SERPINA3: variants seen among roughly 807,000 people sequenced by gnomAD.
SERPINA3 encodes the protein serpin family A member 3.
Under a neutral mutation model 26.8 loss-of-function variants are expected in SERPINA3, and 32 were observed. That is an observed-to-expected ratio of 1.20 (90% CI 0.90 to 1.61). The LOEUF is 1.61. Among genes scored for constraint, SERPINA3 ranks in the 40% most tolerant of loss-of-function variants. The pLI, the probability that SERPINA3 is intolerant of heterozygous loss-of-function variation, is 0.00. For missense variants in SERPINA3, 632 were observed against 517.9 expected, an observed-to-expected ratio of 1.22 and a Z score of -2.14; for synonymous variants, 252 against 206.4, an observed-to-expected ratio of 1.22 and a Z score of -1.89.
chr14:94,619,563 C>G, intron 3 of SERPINA3, 95 bp downstream of exon 3: 1 of 1,478,328 alleles, frequency 6.8e-7, no homozygotes. Context: ...AGAACTCATA[C>G]AGGGACAGGT....
intron 3 of SERPINA3, among the ~76,000 whole-genome samples, chr14:94,621,726 T>G (rs1299649631): frequency 6.6e-6 from 1 of 152,122 alleles, no homozygotes; most frequent in East Asian, 1.9e-4. Context: ...AATCAGACTC[T>G]TCAGAGGCCC....
At chr14:94,619,058 C>T in intron 2 of SERPINA3, 137 bp from the exon 3 acceptor site, 1 of 972,672 alleles carries the variant, frequency 1.0e-6, no homozygotes, top group Non-Finnish European at 1.6e-6. Context: ...AACTTTTACT[C>T]TTGCCAAGCT....
intron 2 of SERPINA3, chr14:94,618,226 C>T (rs1192387219): frequency 6.6e-6 from 1 of 152,152 alleles, no homozygotes; most frequent in Non-Finnish European, 1.5e-5. Flanking sequence ...GAGTTTTCCT[C>T]CCTCTGCCTC....
intron 1 of SERPINA3, chr14:94,613,680 G>A (rs1217286163): frequency 1.3e-5 from 2 of 152,296 alleles, no homozygotes; most frequent in Admixed American, 1.3e-4. Flanking sequence ...AGCCCTCTCT[G>A]CCTTCTCCCC....
intron 3 of SERPINA3, among the ~76,000 whole-genome samples, chr14:94,620,680 C>G (rs1029881995): frequency 6.6e-6 from 1 of 152,166 alleles, no homozygotes; most frequent in African/African-American, 2.4e-5. Context: ...GGCTGGGATC[C>G]AGGAGGGAGC....
Position 94,619,219 on chromosome 14 carries a change from C to A in SERPINA3, c.668C>A (p.Pro223His). 6.2e-7 allele frequency: 1 copy of A among 1,614,116 alleles called. No homozygotes were observed. Among genetic ancestry groups the A allele is most frequent in the South Asian group, 1.1e-5 (1 of 91,068 alleles). ...GCCAAATGGGAGATGCCCTTTGACC[C>A]CCAAGATACTCATCAGTCAAGGTTC... Reference protein sequence around the residue: ...FKAKWEMPFDPQDTHQSRFYL... With the variant: ...FKAKWEMPFDHQDTHQSRFYL... Residue 223 changes from proline (P) to histidine (H), a missense_variant, in exon 3 of 5, where the codon CCC becomes CAC. Coordinates refer to ENST00000393078, the MANE Select transcript of SERPINA3 (RefSeq NM_001085.5).
chr14:94,620,796 G>A (rs1272766732), intron 3 of SERPINA3, among the ~76,000 whole-genome samples: 1 of 152,164 alleles, frequency 6.6e-6, no homozygotes, highest in Non-Finnish European at 1.5e-5. Context: ...CAGTGAGGAG[G>A]AGCAGTAGTT....
In SERPINA3 at chr14:94,623,550, C is replaced by T. The variant is rs1297787723; in HGVS notation, c.1069-61C>T. On this transcript the variant is annotated intron_variant, in intron 4 of 4. Transcript: ENST00000393078. ...ATTAGACCCCTTAGTGGCACACAGGCAGGTCGCTGAACTCCTGCGCATCTG... is the reference window on the plus strand; with the variant it reads ...ATTAGACCCCTTAGTGGCACACAGGTAGGTCGCTGAACTCCTGCGCATCTG... 238 of 1,467,024 alleles carry T rather than the reference C, an allele frequency of 1.6e-4. No homozygotes were observed. The East Asian group carries it at 5.3e-3, about 33-fold the overall frequency. The allele number at this position is 1,467,024 out of a possible 1,614,324, so 90.9% of individuals were successfully genotyped here.
intron 2 of SERPINA3, among the ~76,000 whole-genome samples, chr14:94,616,845 A>T (rs1426535534): frequency 6.6e-6 from 1 of 152,180 alleles, no homozygotes; most frequent in African/African-American, 2.4e-5. Context: ...TCAGTTGAAC[A>T]GCTGAGGATG....
At position 94,623,924 on chromosome 14, in the gene SERPINA3, G is replaced by A; in HGVS notation, c.*110G>A. 1 of 942,852 alleles carries A rather than the reference G, an allele frequency of 1.1e-6. No homozygotes were observed. The highest frequency in any genetic ancestry group is 1.7e-6 in the Non-Finnish European group (1 of 581,184). The allele number at this position is 942,852 out of a possible 1,614,324, so 58.4% of individuals were successfully genotyped here. On this transcript the variant is annotated 3_prime_UTR_variant, in exon 5 of 5. Coordinates refer to ENST00000393078, the MANE Select transcript of SERPINA3 (RefSeq NM_001085.5). ...TGTGCACCGAGTGGCCATGGCATGT[G>A]TGGCCCTGTCTGCTTATCCTTGGAA...
At chr14:94,622,886 A>C in intron 4 of SERPINA3, 1 of 313,308 alleles carries the variant, frequency 3.2e-6, no homozygotes, top group Non-Finnish European at 6.2e-6. Context: ...AATAACAATG[A>C]TTATCTGGCA....
chr14:94,616,373 C>T (rs1335048230), intron 2 of SERPINA3, among the ~76,000 whole-genome samples: 4 of 152,196 alleles, frequency 2.6e-5, no homozygotes, highest in South Asian at 4.1e-4. Flanking sequence ...GACCTCTCCT[C>T]ACTCTCCAGG....
chr14:94,616,639 A>G (rs966188632), intron 2 of SERPINA3, among the ~76,000 whole-genome samples: 1 of 152,184 alleles, frequency 6.6e-6, no homozygotes, highest in South Asian at 2.1e-4. Flanking sequence ...TTCAGCTGAA[A>G]GTAAGGGGGT....
chr14:94,618,508 A>G (rs1263098466), intron 2 of SERPINA3: 1 of 155,766 alleles, frequency 6.4e-6, no homozygotes, highest in Non-Finnish European at 1.4e-5. Flanking sequence ...GTAGAGGTGG[A>G]CATGAGCTAG....
At position 94,614,502 on chromosome 14, in the gene SERPINA3, G is replaced by C; in HGVS notation, c.61G>C (p.Val21Leu). Residue 21 changes from valine to leucine, a missense_variant, in exon 2 of 5, where the codon GTC becomes CTC. Coordinates refer to ENST00000393078, the MANE Select transcript of SERPINA3 (RefSeq NM_001085.5). ...CTTGGCGGCTGGGTTCTGCCCTGCT[G>C]TCCTCTGCCACCCTAACAGCCCACT... ...GLLAAGFCPA[V>L]LCHPNSPLDE... The C allele has an allele frequency of 6.2e-7, 1 of 1,614,010 alleles. No individual in the cohort carries two copies. The highest frequency in any genetic ancestry group is 1.1e-5 in the South Asian group (1 of 91,078).
rs151198301 is a variant in SERPINA3, at chr14:94,622,332, G to A, written c.918-9G>A. 265 of 1,612,722 alleles carry A rather than the reference G, an allele frequency of 1.6e-4. No homozygotes were observed. The highest frequency in any genetic ancestry group is 1.5e-3 in the East Asian group (66 of 44,858). ...GAGGTTCAGATACTTTTTTTTTCTC[G>A]TTTTCTAGAGAGATAGGTGAGCTCT... On this transcript the variant is annotated splice_polypyrimidine_tract_variant and intron_variant, in intron 3 of 4. Transcript: ENST00000393078.
At chr14:94,615,144 C>G in intron 2 of SERPINA3, 60 bp downstream of exon 2, 1 of 1,577,366 alleles carries the variant, frequency 6.3e-7, no homozygotes, top group Non-Finnish European at 8.7e-7. Context: ...TCTGTCCTGA[C>G]TCAACAATGG....
chr14:94,615,008 G>A lies in SERPINA3; in HGVS notation c.567G>A (p.Arg189=), dbSNP rs751355755. 2.5e-6 allele frequency: 4 copies of A among 1,614,174 alleles called. No individual in the cohort carries two copies. Among genetic ancestry groups the A allele is most frequent in the Non-Finnish European group, 3.4e-6 (4 of 1,180,028 alleles). ...ACGACTACGTGAAGAATGGAACTAG[G>A]GGGAAAATCACAGATCTGATCAAGG... ...LINDYVKNGT[R]GKITDLIKDL... Residue 189 remains arginine, a synonymous_variant, in exon 2 of 5, where the codon AGG becomes AGA. Transcript: ENST00000393078.
At chr14:94,623,021 G>A (rs2139966487) in intron 4 of SERPINA3, among the ~76,000 whole-genome samples, 1 of 152,382 alleles carries the variant, frequency 6.6e-6, no homozygotes, top group South Asian at 2.1e-4. Context: ...TGCCCTCTGT[G>A]CTCACACAGC....
Sources: gnomAD v4.1 joint callset for allele counts (sites outside exome capture counted in the v4.1 genomes callset) on GRCh38, gnomAD v4.1.1 for gene constraint, MANE v1.5 for transcripts, NCBI Gene and HGNC (gene_info 2026-07-23, HGNC 2026-07-21) for gene names.